The following KLHL1 variants were observed in gnomAD, a reference collection of about 807,000 sequenced individuals.
KLHL1 encodes the protein kelch like family member 1.
Under a neutral mutation model 77.7 loss-of-function variants are expected in KLHL1, and 47 were observed. The ratio of observed to expected loss-of-function variants is 0.60; its 90% CI spans 0.48 to 0.77. The LOEUF is 0.77. KLHL1 is among the 30% of genes least tolerant of loss of function. The pLI is 0.00. For missense variants in KLHL1, 925 were observed against 910.8 expected (o/e 1.02, Z -0.20); for synonymous variants, 360 against 325.2 (o/e 1.11, Z -1.15).
intron 7 of KLHL1, among the ~76,000 whole-genome samples, chr13:69,758,358 C>A (rs61292957): frequency 0.027 from 4,081 of 152,076 alleles, 181 homozygotes; most frequent in African/African-American, 0.092. Flanking sequence ...TTCCGTAAAC[C>A]TTTTATAAGT....
chr13:69,985,067 G>T (rs1566473423), intron 1 of KLHL1, among the ~76,000 whole-genome samples: 1 of 152,042 alleles, frequency 6.6e-6, no homozygotes, highest in Non-Finnish European at 1.5e-5. Context: ...AGCCGAGATT[G>T]CACCACTGCA....
At chr13:69,943,793 C>G (rs577627917) in intron 3 of KLHL1, among the ~76,000 whole-genome samples, 1 of 152,210 alleles carries the variant, frequency 6.6e-6, no homozygotes, top group East Asian at 1.9e-4. Context: ...TGACTTAAAA[C>G]TTCAGAGGAA....
intron 1 of KLHL1, among the ~76,000 whole-genome samples, chr13:69,999,791 A>T (rs554773376): frequency 7.2e-5 from 11 of 152,190 alleles, no homozygotes; most frequent in African/African-American, 2.6e-4. Context: ...AGAGGACAAG[A>T]TGTATATGGA....
At position 69,901,690 on chromosome 13, in the gene KLHL1, C is replaced by A. The variant is rs191738045; in HGVS notation, c.1015-19195G>T. On this transcript the variant is annotated intron_variant, in intron 4 of 10. Transcript: ENST00000377844. ...TTGAAACAAATTTGCAATGTGGTTG[C>A]AAAATAAATTGATGATATCTGTTGC... is the stretch of plus-strand genomic sequence containing the variant. Among the ~76,000 whole-genome samples, 245 of 150,390 alleles carry A rather than the reference C, an allele frequency of 1.6e-3. 1 individual carries two copies. Among genetic ancestry groups the A allele is most frequent in the South Asian group, 5.5e-3 (26 of 4,732 alleles).
chr13:69,790,794 A>G (rs1016364105), intron 7 of KLHL1, among the ~76,000 whole-genome samples: 1 of 152,162 alleles, frequency 6.6e-6, no homozygotes, highest in Non-Finnish European at 1.5e-5. Context: ...TCACGCTTGT[A>G]ATCCCAGCAC....
intron 7 of KLHL1, among the ~76,000 whole-genome samples, chr13:69,784,204 A>C (rs921389647): frequency 3.4e-4 from 52 of 152,294 alleles, no homozygotes; most frequent in Non-Finnish European, 4.4e-4. Context: ...TGGAAAGGAA[A>C]AACCGGTACC....
intron 1 of KLHL1, among the ~76,000 whole-genome samples, chr13:70,062,862 A>G (rs565799696): frequency 4.0e-4 from 61 of 152,318 alleles, no homozygotes; most frequent in Non-Finnish European, 7.2e-4. Context: ...TAGAAAACAG[A>G]AAAAGTGAAA....
chr13:70,012,330 G>C (rs575612420), intron 1 of KLHL1, among the ~76,000 whole-genome samples: 14 of 151,994 alleles, frequency 9.2e-5, no homozygotes, highest in Admixed American at 9.2e-4. Flanking sequence ...TACCTTGCAG[G>C]CTGGAAACTA....
intron 3 of KLHL1, among the ~76,000 whole-genome samples, chr13:69,952,670 T>C (rs2137256844): frequency 6.6e-6 from 1 of 151,498 alleles, no homozygotes; most frequent in East Asian, 1.9e-4. Context: ...CCAGCTAACA[T>C]GTGTTTTCCT....
At chr13:69,891,845 A>G (rs1320829537) in intron 4 of KLHL1, among the ~76,000 whole-genome samples, 1 of 151,994 alleles carries the variant, frequency 6.6e-6, no homozygotes, top group East Asian at 1.9e-4. Context: ...AATATGTGAT[A>G]CCTATTGTCT....
intron 3 of KLHL1, among the ~76,000 whole-genome samples, chr13:69,951,776 C>T (rs940394323): frequency 6.6e-6 from 1 of 151,334 alleles, no homozygotes; most frequent in Non-Finnish European, 1.5e-5. Flanking sequence ...TAAAGATCAC[C>T]ACTTTTATTT....
At position 69,938,225 on chromosome 13, in the gene KLHL1, T is replaced by A. The variant is rs536802602; in HGVS notation, c.1014+1815A>T. Among the ~76,000 whole-genome samples the A allele has an allele frequency of 6.6e-5, 10 of 152,246 alleles. No individual in the cohort carries two copies. The South Asian group carries it at 2.1e-3, about 32-fold the overall frequency. ...CTGGGAAGACAACTGGTCAGTAATT[T>A]TTCTCTAAAATGGTTACCATAAACA... On this transcript the variant is annotated intron_variant, in intron 4 of 10. Coordinates refer to ENST00000377844, the MANE Select transcript of KLHL1 (RefSeq NM_020866.3).
intron 1 of KLHL1, among the ~76,000 whole-genome samples, chr13:70,073,559 A>T (rs1380359546): frequency 1.0e-5 from 1 of 97,630 alleles, no homozygotes; most frequent in African/African-American, 4.1e-5. Flanking sequence ...AAGTGTAATA[A>T]AAAAAAAAAT....
At chr13:69,803,096 A>G (rs1877464186) in intron 6 of KLHL1, 1 of 152,174 alleles carries the variant, frequency 6.6e-6, no homozygotes, top group Admixed American at 6.5e-5. Context: ...ATTAAGAGCT[A>G]CTTGACACTT....
At chr13:70,070,026 G>A (rs553755405) in intron 1 of KLHL1, among the ~76,000 whole-genome samples, 2 of 151,932 alleles carry the variant, frequency 1.3e-5, no homozygotes, top group East Asian at 1.9e-4. Context: ...AAATTAGCTG[G>A]GTGTGGTGGC....
At chr13:69,787,900 GA>G (rs1163671280) in intron 7 of KLHL1, among the ~76,000 whole-genome samples, 1 of 152,152 alleles carries the variant, frequency 6.6e-6, no homozygotes, top group East Asian at 1.9e-4. Flanking sequence ...AAAAACACAT[GA>G]AAAAATGCTC....
intron 7 of KLHL1, among the ~76,000 whole-genome samples, chr13:69,792,871 G>A (rs1876929813): frequency 6.6e-6 from 1 of 152,062 alleles, no homozygotes; most frequent in Admixed American, 6.6e-5. Context: ...TGCTGCTAAG[G>A]AAAGACTGGG....
At chr13:69,886,592 G>A (rs1881229011) in intron 4 of KLHL1, among the ~76,000 whole-genome samples, 1 of 151,874 alleles carries the variant, frequency 6.6e-6, no homozygotes, top group Admixed American at 6.6e-5. Context: ...AACAATATAA[G>A]TAAATCCCTT....
intron 7 of KLHL1, among the ~76,000 whole-genome samples, chr13:69,757,506 A>G (rs9572260): frequency 0.36 from 55,367 of 151,980 alleles, 10,314 homozygotes; most frequent in African/African-American, 0.43. Context: ...TCAGATATGA[A>G]TGTTTATTAT....
Sources: allele counts gnomAD v4.1 joint callset (sites outside exome capture counted in the v4.1 genomes callset), GRCh38; gene constraint gnomAD v4.1.1; transcripts MANE v1.5; gene names NCBI Gene and HGNC (gene_info 2026-07-23, HGNC 2026-07-21).